PDE4D: variants seen among roughly 807,000 people sequenced by gnomAD.
The protein encoded by PDE4D is phosphodiesterase 4D, also known as 3',5'-cyclic-AMP phosphodiesterase 4D.
PDE4D carries 24 observed loss-of-function variants against 87.4 expected under a neutral mutation model. The observed-to-expected ratio is 0.27, with a 90% CI of 0.20 to 0.39. PDE4D has a LOEUF of 0.39. Among genes scored for constraint, PDE4D ranks in the 10% least tolerant of loss-of-function variants. The pLI is 1.00. For missense variants in PDE4D, 714 were observed against 1,041.0 expected (o/e 0.69, Z 4.32); for synonymous variants, 384 against 383.2 (o/e 1.00, Z -0.02).
At chr5:59,685,857 T>A (rs1458034496) in intron 1 of PDE4D, among the ~76,000 whole-genome samples, 1 of 152,076 alleles carries the variant, frequency 6.6e-6, no homozygotes, top group Non-Finnish European at 1.5e-5. Context: ...CTGATCCAGA[T>A]CCTCCAAGTA....
chr5:60,333,827 T>C (rs947765012), intron 1 of PDE4D, among the ~76,000 whole-genome samples: 12 of 152,284 alleles, frequency 7.9e-5, no homozygotes, highest in African/African-American at 2.9e-4. Flanking sequence ...CTTCAGGTTT[T>C]TTTTCAACAT....
chr5:59,032,389 G>A (rs1022292106), intron 6 of PDE4D, among the ~76,000 whole-genome samples: 1 of 152,182 alleles, frequency 6.6e-6, no homozygotes. Flanking sequence ...AGACCATCCT[G>A]GCCAACATGG....
Position 59,224,843 on chromosome 5 carries a change from C to A in PDE4D, c.456-8875G>T, listed in dbSNP as rs545321857. On this transcript the variant is annotated intron_variant, in intron 1 of 14. Transcript: ENST00000340635. The stretch of plus-strand genomic sequence containing the variant: ...CAGCCATCTGTATGTAGGAAGAGAG[C>A]CCTCAACAGGAACCAAATCAGCCAA... 5.9e-5 allele frequency among the ~76,000 whole-genome samples: 9 copies of A among 152,118 alleles called. No individual in the cohort carries two copies. In the South Asian group the frequency reaches 1.7e-3, roughly 28 times the overall value.
chr5:60,086,732 G>C (rs1008219799), intron 2 of PDE4D, among the ~76,000 whole-genome samples: 7 of 152,220 alleles, frequency 4.6e-5, no homozygotes, highest in Admixed American at 2.0e-4. Context: ...CATCAGTCTG[G>C]GAATCTTCAT....
chr5:59,299,705 T>C (rs980291904), intron 1 of PDE4D, among the ~76,000 whole-genome samples: 4 of 152,238 alleles, frequency 2.6e-5, no homozygotes, highest in Non-Finnish European at 2.9e-5. Context: ...AAGTCCCTCC[T>C]ATCTTTCTCC....
chr5:59,349,715 T>G lies in PDE4D; in HGVS notation c.456-133747A>C, dbSNP rs16889662. Among the ~76,000 whole-genome samples, 1,487 of 152,302 alleles carry G rather than the reference T, an allele frequency of 9.8e-3. 33 individuals are homozygous for G. The highest frequency in any genetic ancestry group is 0.032 in the African/African-American group (1,343 of 41,576). ...ATCAGAAATATCCACAGCATGATTA[T>G]AAACCCTTGGCAGTTTGGAGTGTCT... is the stretch of plus-strand genomic sequence containing the variant. On this transcript the variant is annotated intron_variant, in intron 1 of 14. Transcript: ENST00000340635.
rs528890078 is a variant in PDE4D at position 59,621,061 on chromosome 5, C to T, written c.455+272107G>A. Among the ~76,000 whole-genome samples the T allele has an allele frequency of 1.8e-4, 27 of 151,626 alleles. 1 individual carries two copies. In the South Asian group the frequency reaches 4.8e-3, roughly 27 times the overall value. ...AGGAGTATAAATAAATCCCCACTTT[C>T]TTTGTAAAAGTTCAATTGTAAAAGT... On this transcript the variant is annotated intron_variant, in intron 1 of 14. Transcript: ENST00000340635.
At chr5:59,105,527 CCTT>C (rs1294722067) in intron 5 of PDE4D, among the ~76,000 whole-genome samples, 2 of 152,058 alleles carry the variant, frequency 1.3e-5, no homozygotes, top group African/African-American at 4.8e-5. Context: ...AACCCACTCC[CCTT>C]ACCCCTTACA....
At chr5:59,227,114 C>T (rs1753953145) in intron 1 of PDE4D, among the ~76,000 whole-genome samples, 1 of 152,152 alleles carries the variant, frequency 6.6e-6, no homozygotes, top group Non-Finnish European at 1.5e-5. Context: ...CAGGTTACTA[C>T]CAATCTTTCA....
chr5:60,447,898 T>A (rs573233395), intron 1 of PDE4D, among the ~76,000 whole-genome samples: 5 of 152,196 alleles, frequency 3.3e-5, no homozygotes, highest in African/African-American at 1.2e-4. Context: ...GTATCTATCT[T>A]ACTGGCCACA....
At chr5:60,171,352 G>A (rs1186834406) in intron 2 of PDE4D, among the ~76,000 whole-genome samples, 1 of 151,978 alleles carries the variant, frequency 6.6e-6, no homozygotes, top group African/African-American at 2.4e-5. Flanking sequence ...TACAGAAAGG[G>A]ACCATTGATG....
chr5:59,279,669 C>T (rs1439191813), intron 1 of PDE4D, among the ~76,000 whole-genome samples: 1 of 151,944 alleles, frequency 6.6e-6, no homozygotes, highest in African/African-American at 2.4e-5. Flanking sequence ...CACAACATCC[C>T]TCCAAAGTAG....
At chr5:59,780,889 G>A (rs1764544753) in intron 1 of PDE4D, among the ~76,000 whole-genome samples, 1 of 152,136 alleles carries the variant, frequency 6.6e-6, no homozygotes, top group Non-Finnish European at 1.5e-5. Flanking sequence ...ATGGTGAGCT[G>A]AGCGCAGTGG....
At chr5:59,104,781 G>A (rs1257481499) in intron 5 of PDE4D, among the ~76,000 whole-genome samples, 1 of 152,092 alleles carries the variant, frequency 6.6e-6, no homozygotes, top group Non-Finnish European at 1.5e-5. Context: ...GGCAGAAAAT[G>A]TCCTGGAGCT....
Position 60,304,651 on chromosome 5 carries a change from CAAAA to C in PDE4D, c.-89-118968_-89-118965del, listed in dbSNP as rs70975379. On this transcript the variant is annotated intron_variant, in intron 1 of 16. Coordinates refer to the PDE4D transcript ENST00000502484. ...TGGGCGACAGAGCGAGACTCCGTCTCAAAAAAAAAAAAAAAAAAAAAAAGAAATG... is the reference window on the plus strand; with the variant it reads ...TGGGCGACAGAGCGAGACTCCGTCTCAAAAAAAAAAAAAAAAAAAGAAATG... Among the ~76,000 whole-genome samples the C allele has an allele frequency of 6.4e-3, 385 of 60,066 alleles. 3 individuals are homozygous for C. The highest frequency in any genetic ancestry group is 0.029 in the African/African-American group (368 of 12,786). 39.4% of individuals were successfully genotyped at this position (60,066 alleles called of 152,430 possible).
At chr5:59,394,133 A>AAC (rs76533892) in intron 1 of PDE4D, among the ~76,000 whole-genome samples, 2 of 151,730 alleles carry the variant, frequency 1.3e-5, no homozygotes, top group African/African-American at 2.4e-5. Context: ...TGAGCAGTCC[A>AAC]AGACCCACAG....
At chr5:59,940,188 T>C (rs1757030817) in intron 3 of PDE4D, among the ~76,000 whole-genome samples, 1 of 152,192 alleles carries the variant, frequency 6.6e-6, no homozygotes, top group Admixed American at 6.5e-5. Context: ...GATCCAGGCA[T>C]GAAATGAGGT....
chr5:59,882,840 C>T (rs531797109), intron 1 of PDE4D, among the ~76,000 whole-genome samples: 46 of 151,290 alleles, frequency 3.0e-4, no homozygotes, highest in South Asian at 2.1e-4. Flanking sequence ...TTCAGTGGCG[C>T]GATCTTGGCT....
intron 1 of PDE4D, among the ~76,000 whole-genome samples, chr5:59,670,469 G>A (rs970067840): frequency 1.1e-4 from 17 of 152,054 alleles, no homozygotes; most frequent in East Asian, 3.9e-4. Context: ...TTTGTTTCAC[G>A]TACGAAAGCA....
Sources: gnomAD v4.1 joint callset for allele counts (sites outside exome capture counted in the v4.1 genomes callset) on GRCh38, gnomAD v4.1.1 for gene constraint, MANE v1.5 for transcripts, NCBI Gene and HGNC (gene_info 2026-07-23, HGNC 2026-07-21) for gene names.